The following SIGLEC1 variants were observed in gnomAD, a reference collection of about 807,000 sequenced individuals.
The protein encoded by SIGLEC1 is sialoadhesin.
In SIGLEC1, 132 loss-of-function variants were observed where a neutral mutation model predicts 148.0. The observed-to-expected ratio is 0.89, with a 90% CI of 0.77 to 1.03. SIGLEC1 has a LOEUF of 1.03. Among genes scored for constraint, SIGLEC1 ranks in the 50% least tolerant of loss-of-function variants. SIGLEC1 has a pLI of 0.00. For missense variants in SIGLEC1, 2,253 were observed against 2,271.4 expected (o/e 0.99, Z 0.16); for synonymous variants, 945 against 969.0 (o/e 0.98, Z 0.46).
chr20:3,692,343 G>T (rs2146519549), intron 16 of SIGLEC1, 141 bp from the exon 17 acceptor site: 3 of 1,169,182 alleles, frequency 2.6e-6, no homozygotes, highest in South Asian at 1.6e-5. Context: ...GGAGTCCTGT[G>T]GGCAGAGTGC....
chr20:3,706,480 G>T lies in SIGLEC1; in HGVS notation c.276C>A (p.Asn92Lys), dbSNP rs140721972. Residue 92 changes from asparagine (N) to lysine (K), a missense_variant, in exon 3 of 22, where the codon AAC (asparagine) becomes AAA (lysine). Physicochemically the swap from Asn to Lys is moderately conservative, Grantham distance 94 (BLOSUM62 0). Coordinates refer to ENST00000344754, the MANE Select transcript of SIGLEC1 (RefSeq NM_023068.4). The stretch of plus-strand genomic sequence containing the variant: ...GCAGGTTGCACACCCTGTGCTCGGG[G>T]TTCCCCATGAACTCGGTGCGGCCGC... The part of the protein sequence containing the change: ...RFRGRTEFMG[N>K]PEHRVCNLLL... 46 of 1,613,948 alleles carry T rather than the reference G, an allele frequency of 2.9e-5. No individual in the cohort carries two copies. In the African/African-American group the frequency reaches 5.3e-4, roughly 19 times the overall value.
At chr20:3,709,393 G>A (rs1210451781) in intron 1 of SIGLEC1, among the ~76,000 whole-genome samples, 5 of 152,204 alleles carry the variant, frequency 3.3e-5, no homozygotes, top group African/African-American at 1.2e-4. Flanking sequence ...CGTTAGAATG[G>A]CTATTCACAA....
Position 3,694,482 on chromosome 20 carries a change from G to A in SIGLEC1, c.2995C>T (p.Arg999Ter), listed in dbSNP as rs556514664. 1.9e-5 allele frequency: 30 copies of A among 1,592,694 alleles called. No homozygotes were observed. The highest frequency in any genetic ancestry group is 1.8e-4 in the East Asian group (8 of 43,990). Residue 999 changes from arginine (R) to a stop codon, truncating the protein, a stop_gained, in exon 13 of 22, where the codon CGA (arginine) becomes TGA (stop). Coordinates refer to ENST00000344754, the MANE Select transcript of SIGLEC1 (RefSeq NM_023068.4). LOFTEE classifies it high-confidence loss of function. ...ACACGGCACAGGAGGAGGCCCAGTC[G>A]TCCAGGGCCTGTGTCCATCAGGGTA... ...LTTLMDTGPG[R>*]LGLLLCRVDS...
In SIGLEC1 at chr20:3,696,797, CA is replaced by C; in HGVS notation, c.2471del (p.Leu824ArgfsTer36). ...LFICTVDSRP[L>X]ALLALFHGEH... ...CCCCATGGAACAAGGCCAGCAAGGC[CA>C]GGGGGCGGCTGTCCACAGTGCAGAT... On this transcript the variant is annotated frameshift_variant, in exon 11 of 22. Coordinates refer to ENST00000344754, the MANE Select transcript of SIGLEC1 (RefSeq NM_023068.4). LOFTEE classifies it high-confidence loss of function. The C allele has an allele frequency of 6.2e-7, 1 of 1,611,916 alleles. No individual in the cohort carries two copies. The highest frequency in any genetic ancestry group is 8.5e-7 in the Non-Finnish European group (1 of 1,179,210).
rs769294252 is a variant in SIGLEC1, at chr20:3,698,124, C to T, written c.1796G>A (p.Arg599Gln). The T allele has an allele frequency of 4.4e-6, 7 of 1,594,042 alleles. No individual in the cohort carries two copies. The highest frequency in any genetic ancestry group is 2.3e-5 in the East Asian group (1 of 44,276). ...PAVLTVLYPP[R>Q]QPTFTTRLDL... is the part of the protein sequence containing the mutation. ...CAGCCTGGTGGTGAATGTTGGTTGT[C>T]GAGGGGGGTCTGCAGGGAGGAAGAA... The change falls in exon 9 of 22, where the codon CGA (arginine) becomes CAA (glutamine). Residue 599 changes from arginine to glutamine, a missense_variant. By Grantham distance (43) the Arg-to-Gln change is conservative. Coordinates refer to ENST00000344754, the MANE Select transcript of SIGLEC1 (RefSeq NM_023068.4).
Position 3,712,533 on chromosome 20 carries a change from G to A in SIGLEC1, c.-173C>T, listed in dbSNP as rs1052000194. Among the ~76,000 whole-genome samples, 5 of 152,088 alleles carry A rather than the reference G, an allele frequency of 3.3e-5. No homozygotes were observed. The highest frequency in any genetic ancestry group is 2.0e-4 in the Admixed American group (3 of 15,264). On this transcript the variant is annotated 5_prime_UTR_variant, in exon 1 of 22. Coordinates refer to ENST00000344754, the MANE Select transcript of SIGLEC1 (RefSeq NM_023068.4). ...CTGCGGAGAGGAGAACAGGAAGGAC[G>A]GCCAAGAGCTCCTGGTGCAGCTGGC... is the stretch of plus-strand genomic sequence containing the variant.
At position 3,687,792 on chromosome 20, in the gene SIGLEC1, T is replaced by C. The variant is rs1189479883; in HGVS notation, c.*768A>G. 6.6e-6 allele frequency: 1 copy of C among 152,278 alleles called. No homozygotes were observed. The highest frequency in any genetic ancestry group is 1.5e-5 in the Non-Finnish European group (1 of 68,094). The allele number at this position is 152,278 out of a possible 1,614,324, so 9.4% of individuals were successfully genotyped here. On this transcript the variant is annotated 3_prime_UTR_variant, in exon 22 of 22. Transcript: ENST00000344754. ...TGGAAGTCCAATTCCAAATGTCCTCTGGACTCAAAATAAAAACTACATTTC... is the reference window on the plus strand; with the variant it reads ...TGGAAGTCCAATTCCAAATGTCCTCCGGACTCAAAATAAAAACTACATTTC...
Position 3,705,840 on chromosome 20 carries a change from T to A in SIGLEC1, c.610A>T (p.Met204Leu). ...TGVGHLETLH[M>L]AMSWQDHGRI... ...CCGTGGTCCTGCCAGGACATGGCCA[T>A]GTGGAGGGTCTCCAGGTGGCCGACG... Residue 204 changes from methionine (M) to leucine (L), a missense_variant, in exon 4 of 22, where the codon ATG becomes TTG. Physicochemically the swap from Met to Leu is conservative, Grantham distance 15 (BLOSUM62 2). Coordinates refer to ENST00000344754, the MANE Select transcript of SIGLEC1 (RefSeq NM_023068.4). 6.2e-7 allele frequency: 1 copy of A among 1,614,112 alleles called. No homozygotes were observed. Among genetic ancestry groups the A allele is most frequent in the Non-Finnish European group, 8.5e-7 (1 of 1,180,034 alleles).
At chr20:3,697,508 G>A (rs1329623487) in intron 9 of SIGLEC1, among the ~76,000 whole-genome samples, 166 bp from the exon 10 acceptor site, 1 of 152,104 alleles carries the variant, frequency 6.6e-6, no homozygotes, top group Non-Finnish European at 1.5e-5. Context: ...TGGGCCCTGG[G>A]GACTGTGGGG....
intron 1 of SIGLEC1, among the ~76,000 whole-genome samples, chr20:3,711,232 T>G (rs2087927018): frequency 6.6e-6 from 1 of 152,222 alleles, no homozygotes; most frequent in African/African-American, 2.4e-5. Context: ...TACTTGGGTC[T>G]CCAAGTCTTG....
chr20:3,697,356 G>A lies in SIGLEC1; in HGVS notation c.2123-14C>T, dbSNP rs75285622. 7.7e-4 allele frequency: 1,236 copies of A among 1,612,188 alleles called. 7 individuals are homozygous for A. In the African/African-American group the frequency reaches 0.014, roughly 18 times the overall value. On this transcript the variant is annotated splice_polypyrimidine_tract_variant and intron_variant, in intron 9 of 21. Transcript: ENST00000344754. ...CCAGGACAGTGGCTGGAGAGCAGGC[G>A]GCACAGCTTACTGACCACCCCCGGC...
Position 3,703,904 on chromosome 20 carries a change from G to T in SIGLEC1, c.894C>A (p.Ser298Arg). The T allele has an allele frequency of 6.2e-7, 1 of 1,614,016 alleles. No individual in the cohort carries two copies. Among genetic ancestry groups the T allele is most frequent in the Non-Finnish European group, 8.5e-7 (1 of 1,179,988 alleles). ...CTTGGCAGGTGTAGACGCCAGCATC[G>T]CTCCAGGCTGCCTGGGGCAGGTGCA... ...GVLHLPQAAW[S>R]DAGVYTCQAE... The change falls in exon 5 of 22, where the codon AGC becomes AGA. Residue 298 changes from serine (S) to arginine (R), a missense_variant. Transcript: ENST00000344754.
intron 15 of SIGLEC1, 30 bp downstream of exon 15, chr20:3,692,832 C>A: frequency 1.9e-6 from 3 of 1,601,456 alleles, no homozygotes; most frequent in Non-Finnish European, 2.6e-6. Flanking sequence ...GGCTTCCATC[C>A]CAGTGGGCTT....
Position 3,705,979 on chromosome 20 carries a change from G to A in SIGLEC1, c.471C>T (p.Asp157=). Residue 157 remains aspartate, a synonymous_variant, in exon 4 of 22, where the codon GAC becomes GAT. Transcript: ENST00000344754. The part of the protein sequence containing the change: ...PVELLEGTEV[D]FNCSTPYVCL... The stretch of plus-strand genomic sequence containing the variant: ...ATACGTAGGGAGTGGAGCAGTTGAA[G>A]TCCACCTCTGTGCCCTCGAGAAGCT... 2 of 1,614,044 alleles carry A rather than the reference G, an allele frequency of 1.2e-6. No homozygotes were observed. The highest frequency in any genetic ancestry group is 1.1e-5 in the South Asian group (1 of 91,090).
Position 3,710,929 on chromosome 20 carries a change from G to A in SIGLEC1, c.-110+1541C>T, listed in dbSNP as rs2087924577. On this transcript the variant is annotated intron_variant, in intron 1 of 21. Transcript: ENST00000344754. This position sits in a 1 kb window ranked among gnomAD's most constrained non-coding sequence, Gnocchi z 4.6. ...AAGGCCAGCTTCAGCCCAGATAACT[G>A]TTCTGGAAACAGAAAGAGCAGGGAC... Among the ~76,000 whole-genome samples, 1 of 152,226 alleles carries A rather than the reference G, an allele frequency of 6.6e-6. No individual in the cohort carries two copies. Among genetic ancestry groups the A allele is most frequent in the Admixed American group, 6.5e-5 (1 of 15,288 alleles).
Position 3,691,518 on chromosome 20 carries a change from A to G in SIGLEC1, c.4413T>C (p.Pro1471=), listed in dbSNP as rs1163365615. ...CAAAGGTGGAGTTGCCCACAGGCCC[A>G]GGGCCACCCAGGAGGCGGCAGCTGA... ...LNLSCRLLGG[P]GPVGNSTFAW... The change falls in exon 18 of 22, where the codon CCT becomes CCC. Residue 1471 remains proline (P), a synonymous_variant. Transcript: ENST00000344754. 1 of 1,613,296 alleles carries G rather than the reference A, an allele frequency of 6.2e-7. No individual in the cohort carries two copies. Among genetic ancestry groups the G allele is most frequent in the Non-Finnish European group, 8.5e-7 (1 of 1,180,010 alleles).
rs2088784163 is a variant in SIGLEC1, at chr20:3,693,230, C to A, written c.3509-99G>T. 5 of 1,367,516 alleles carry A rather than the reference C, an allele frequency of 3.7e-6. No homozygotes were observed. In the South Asian group the frequency reaches 7.2e-5, roughly 20 times the overall value. The allele number at this position is 1,367,516 out of a possible 1,614,324, so 84.7% of individuals were successfully genotyped here. On this transcript the variant is annotated intron_variant, in intron 14 of 21. Coordinates refer to ENST00000344754, the MANE Select transcript of SIGLEC1 (RefSeq NM_023068.4). ...AACTCAGGAGGGCCCTGGCTCCCCA[C>A]CCCTATGGCTCCCAACCACCCAGTC...
At chr20:3,696,930 C>A (rs776806283) in intron 10 of SIGLEC1, 42 bp from the exon 11 acceptor site, 1 of 1,539,464 alleles carries the variant, frequency 6.5e-7, no homozygotes, top group East Asian at 2.3e-5. Context: ...GCCTAGCTCA[C>A]CACATTACAA....
At chr20:3,690,412 A>G in intron 18 of SIGLEC1, 148 bp from the exon 19 acceptor site, 1 of 692,754 alleles carries the variant, frequency 1.4e-6, no homozygotes, top group Non-Finnish European at 2.4e-6. Flanking sequence ...AGTTTGACCA[A>G]TTGAAGAAAG....
Sources: gnomAD v4.1 joint callset for allele counts (sites outside exome capture counted in the v4.1 genomes callset) on GRCh38, gnomAD v4.1.1 for gene constraint, Gnocchi (gnomAD v3.1) non-coding constraint, MANE v1.5 for transcripts, NCBI Gene and HGNC (gene_info 2026-07-23, HGNC 2026-07-21) for gene names.